The following ZNF566 variants were observed in gnomAD, a reference collection of about 807,000 sequenced individuals.
ZNF566 encodes zinc finger protein 566.
Under a neutral mutation model 32.8 loss-of-function variants are expected in ZNF566, and 27 were observed. The observed-to-expected ratio is 0.82, with a 90% CI of 0.61 to 1.14. The LOEUF (loss-of-function observed/expected upper bound fraction) is 1.14. Among genes scored for constraint, ZNF566 ranks in the 50% most tolerant of loss-of-function variants. ZNF566 has a pLI of 0.00. For synonymous variants in ZNF566, 154 were observed against 159.5 expected (o/e 0.97, Z 0.26); for missense variants, 402 against 490.4 (o/e 0.82, Z 1.70).
At chr19:36,451,343 A>G (rs1166178912) in intron 4 of ZNF566, among the ~76,000 whole-genome samples, 1 of 152,180 alleles carries the variant, frequency 6.6e-6, no homozygotes, top group African/African-American at 2.4e-5. Context: ...GTGGACAGAT[A>G]TGGTATATGT....
intron 1 of ZNF566, among the ~76,000 whole-genome samples, chr19:36,484,557 A>G (rs2034108560): frequency 6.6e-6 from 1 of 150,916 alleles, no homozygotes; most frequent in Admixed American, 6.6e-5. Flanking sequence ...GTGAGAAAAC[A>G]TGATGAGAAA....
intron 4 of ZNF566, among the ~76,000 whole-genome samples, chr19:36,464,977 C>G (rs2033576359): frequency 6.6e-6 from 1 of 152,030 alleles, no homozygotes; most frequent in Non-Finnish European, 1.5e-5. Context: ...AAGACACAAA[C>G]TGGAAAACAT....
intron 4 of ZNF566, among the ~76,000 whole-genome samples, chr19:36,450,338 A>G (rs971985865): frequency 2.0e-5 from 3 of 152,192 alleles, no homozygotes; most frequent in African/African-American, 7.2e-5. Flanking sequence ...AGCATCTCAT[A>G]GTATGAATTA....
rs758597002 is a variant in ZNF566, at chr19:36,448,941, A to T, written c.*36T>A. Reference sequence around the variant, plus strand: ...ATAAATTCTGTTTTGAGCCATAATTAAAAGCCTCCCTACACATTTCATATA... The same window carrying T: ...ATAAATTCTGTTTTGAGCCATAATTTAAAGCCTCCCTACACATTTCATATA... On this transcript the variant is annotated 3_prime_UTR_variant, in exon 5 of 5. Transcript: ENST00000452939. 7 of 1,492,848 alleles carry T rather than the reference A, an allele frequency of 4.7e-6. No individual in the cohort carries two copies. The Middle Eastern group carries it at 1.1e-3, about 230-fold the overall frequency. The allele number at this position is 1,492,848 out of a possible 1,614,324, so 92.5% of individuals were successfully genotyped here.
At chr19:36,455,425 C>G (rs1178689333) in intron 4 of ZNF566, among the ~76,000 whole-genome samples, 1 of 152,092 alleles carries the variant, frequency 6.6e-6, no homozygotes, top group East Asian at 1.9e-4. Context: ...AGGGGATCTA[C>G]CATAAAACTG....
At chr19:36,479,572 G>A (rs1252915328) in intron 1 of ZNF566, among the ~76,000 whole-genome samples, 3 of 152,190 alleles carry the variant, frequency 2.0e-5, no homozygotes, top group Admixed American at 1.3e-4. Context: ...CTTAACAAAT[G>A]TCGACATATA....
chr19:36,487,089 CAA>C (rs930555456), intron 1 of ZNF566, among the ~76,000 whole-genome samples: 1 of 46,872 alleles, frequency 2.1e-5, no homozygotes. Context: ...GACTCCGTCT[CAA>C]AAAAAAAAAA....
chr19:36,455,391 G>A (rs890695975), intron 4 of ZNF566, among the ~76,000 whole-genome samples: 1 of 151,992 alleles, frequency 6.6e-6, no homozygotes, highest in African/African-American at 2.4e-5. Flanking sequence ...AGGAATAAAA[G>A]GCATCCAAAT....
chr19:36,477,462 T>C (rs1202452038), intron 1 of ZNF566, among the ~76,000 whole-genome samples: 1 of 152,012 alleles, frequency 6.6e-6, no homozygotes, highest in South Asian at 2.1e-4. Flanking sequence ...AAAAGTATAA[T>C]TGCTCAGAGA....
chr19:36,486,842 G>A (rs1328114556), intron 1 of ZNF566, among the ~76,000 whole-genome samples: 2 of 151,676 alleles, frequency 1.3e-5, no homozygotes, highest in Admixed American at 1.3e-4. Flanking sequence ...TGATGAGGCT[G>A]GGTGCAGTGG....
intron 1 of ZNF566, among the ~76,000 whole-genome samples, chr19:36,486,165 A>G (rs2034157336): frequency 6.6e-6 from 1 of 152,232 alleles, no homozygotes; most frequent in Non-Finnish European, 1.5e-5. Context: ...ATTAAAGAAC[A>G]CTCAAAGATG....
chr19:36,459,734 A>G (rs1055928701), intron 4 of ZNF566, among the ~76,000 whole-genome samples: 26 of 148,760 alleles, frequency 1.7e-4, no homozygotes, highest in African/African-American at 6.5e-4. Context: ...CTGGTCTCGA[A>G]CCCCAACCTC....
chr19:36,474,611 C>T (rs986271682), intron 2 of ZNF566, among the ~76,000 whole-genome samples: 11 of 152,162 alleles, frequency 7.2e-5, no homozygotes, highest in African/African-American at 2.4e-4. Flanking sequence ...TGGTAGTAAA[C>T]CAATTTTCAA....
chr19:36,459,338 C>T (rs1262161864), intron 4 of ZNF566, among the ~76,000 whole-genome samples: 1 of 152,136 alleles, frequency 6.6e-6, no homozygotes, highest in Non-Finnish European at 1.5e-5. Flanking sequence ...CCTCAGCCTC[C>T]CAAGTAACTG....
chr19:36,461,062 T>C (rs1025044229), intron 4 of ZNF566, among the ~76,000 whole-genome samples: 11 of 152,260 alleles, frequency 7.2e-5, no homozygotes, highest in Admixed American at 2.0e-4. Context: ...TAGGCAATAG[T>C]GGGGACAGTG....
chr19:36,460,579 G>A (rs918037464), intron 4 of ZNF566, among the ~76,000 whole-genome samples: 1 of 152,106 alleles, frequency 6.6e-6, no homozygotes, highest in Non-Finnish European at 1.5e-5. Context: ...AACAAGAAAA[G>A]ATTTAACATT....
chr19:36,476,893 T>G (rs1157853252), intron 1 of ZNF566, among the ~76,000 whole-genome samples: 1 of 152,332 alleles, frequency 6.6e-6, no homozygotes, highest in Non-Finnish European at 1.5e-5. Flanking sequence ...ACACTACTTA[T>G]ACACGTTGCT....
At chr19:36,475,093 C>T (rs2033851884) in intron 2 of ZNF566, among the ~76,000 whole-genome samples, 1 of 152,138 alleles carries the variant, frequency 6.6e-6, no homozygotes, top group Non-Finnish European at 1.5e-5. Context: ...TCACCCAGGC[C>T]AAAGTGCAGT....
Position 36,473,428 on chromosome 19 carries a change from C to T in ZNF566, c.40G>A (p.Asp14Asn). The T allele has an allele frequency of 3.1e-6, 5 of 1,611,910 alleles. No homozygotes were observed. The highest frequency in any genetic ancestry group is 4.2e-6 in the Non-Finnish European group (5 of 1,179,034). ...CATTCCCACTCCTCCTGAGAGAAGT[C>T]TACGGACACATCACTGAACATCACT... is the stretch of plus-strand genomic sequence containing the variant. ...ESVMFSDVSVDFSQEEWECLN... is the reference protein window; with the variant it reads ...ESVMFSDVSVNFSQEEWECLN... The change falls in exon 3 of 5, where the codon GAC becomes AAC. Residue 14 changes from aspartate (D) to asparagine (N), a missense_variant. Asp to Asn is a conservative substitution (Grantham distance 23). Around this residue, in one of 3 missense-constraint regions of ZNF566, gnomAD observed 220 missense variants for 241.9 expected, o/e 0.91. Coordinates refer to ENST00000452939, the MANE Select transcript of ZNF566 (RefSeq NM_001145344.1).
Sources: allele counts gnomAD v4.1 joint callset (sites outside exome capture counted in the v4.1 genomes callset), GRCh38; gene constraint gnomAD v4.1.1; regional missense constraint gnomAD v4.1.1; transcripts MANE v1.5; gene names NCBI Gene and HGNC (gene_info 2026-07-23, HGNC 2026-07-21).